MOK: variants seen among roughly 807,000 people sequenced by gnomAD.
The protein encoded by MOK is MOK protein kinase.
Under a neutral mutation model 54.2 loss-of-function variants are expected in MOK, and 59 were observed. The ratio of observed to expected loss-of-function variants is 1.09; its 90% CI spans 0.88 to 1.35. The LOEUF (loss-of-function observed/expected upper bound fraction) is 1.35, where lower values mean the gene tolerates loss of function less well. Ranked by LOEUF, MOK falls within the 40% of genes most tolerant of loss-of-function variation. MOK has a pLI of 0.00. For missense variants in MOK, 517 were observed against 526.2 expected, an observed-to-expected ratio of 0.98 and a Z score of 0.17; for synonymous variants, 210 against 202.7, an observed-to-expected ratio of 1.04 and a Z score of -0.31.
chr14:102,290,034 T>C lies in MOK; in HGVS notation c.8-6442A>G, dbSNP rs78468499. Among the ~76,000 whole-genome samples, 779 of 152,224 alleles carry C rather than the reference T, an allele frequency of 5.1e-3. 16 individuals carry two copies. Among genetic ancestry groups the C allele is most frequent in the East Asian group, 0.035 (179 of 5,184 alleles). ...TTCTCAAAACAGGTCTCCACCCTAT[T>C]TCCCAGGTGGCTTCCTTGTTCGAAA... On this transcript the variant is annotated intron_variant, in intron 1 of 11. Coordinates refer to ENST00000361847, the MANE Select transcript of MOK (RefSeq NM_014226.3).
intron 7 of MOK, 199 bp from the exon 8 acceptor site, chr14:102,233,988 C>T (rs1271521461): frequency 1.8e-6 from 1 of 540,742 alleles, no homozygotes; most frequent in Admixed American, 3.4e-5. Flanking sequence ...AATTAACCAG[C>T]AAACAACCCC....
rs184504943 is a variant in MOK, at chr14:102,281,942, T to C, written c.122+1536A>G. 1.0e-3 allele frequency among the ~76,000 whole-genome samples: 152 copies of C among 152,324 alleles called. 1 individual carries two copies. Among genetic ancestry groups the C allele is most frequent in the African/African-American group, 3.6e-3 (148 of 41,554 alleles). Reference sequence around the variant, plus strand: ...CTTCCTAGTGGTAGGTAAACTACCGTATGCATTGGGCAGTGAAGAACAAGG... The same window carrying C: ...CTTCCTAGTGGTAGGTAAACTACCGCATGCATTGGGCAGTGAAGAACAAGG... On this transcript the variant is annotated intron_variant, in intron 2 of 11. Transcript: ENST00000361847.
Position 102,238,493 on chromosome 14 carries a change from AG to A in MOK, c.591-4705del, listed in dbSNP as rs2065416393. The A allele has an allele frequency of 6.6e-6, 1 of 152,216 alleles. No homozygotes were observed. The allele number at this position is 152,216 out of a possible 1,614,324, so 9.4% of individuals were successfully genotyped here. A position where few individuals can be genotyped will look rare whatever the true frequency, so the allele number is the denominator to read the frequency against. On this transcript the variant is annotated intron_variant, in intron 7 of 11. Transcript: ENST00000361847. This position sits in a 1 kb window ranked among gnomAD's most constrained non-coding sequence, Gnocchi z 4.8. ...TTATACACTGTTGGGGACATCACAC[AG>A]GAACAGATAAAATCTCAAGAGGCAA...
chr14:102,260,364 G>C lies in MOK; in HGVS notation c.283+3182C>G, dbSNP rs559967903. ...CATCTTAAAAAAATAAAAAATAACC[G>C]TATCTGCCTGACAGGGTTGTTGGAA... On this transcript the variant is annotated intron_variant, in intron 4 of 11. Coordinates refer to ENST00000361847, the MANE Select transcript of MOK (RefSeq NM_014226.3). Among the ~76,000 whole-genome samples, 8 of 151,952 alleles carry C rather than the reference G, an allele frequency of 5.3e-5. No individual in the cohort carries two copies. The East Asian group carries it at 1.5e-3, about 29-fold the overall frequency.
At chr14:102,226,669 G>A (rs752469344), downstream of MOK, among the ~76,000 whole-genome samples, 2 of 152,206 alleles carry the variant, frequency 1.3e-5, no homozygotes, top group Non-Finnish European at 2.9e-5. The surrounding 1 kb of genome is among the most constrained non-coding windows in gnomAD (Gnocchi z 4.8). Context: ...CCTGCCAAGA[G>A]CAGGCAGGTG....
chr14:102,217,847 G>A, the MOK span, among the ~76,000 whole-genome samples: 4 of 152,192 alleles, frequency 2.6e-5, no homozygotes, highest in Non-Finnish European at 5.9e-5. Flanking sequence ...CATCGTTTCC[G>A]CACCGTCTCT....
At chr14:102,275,333 G>A (rs574651568) in intron 2 of MOK, among the ~76,000 whole-genome samples, 2 of 152,296 alleles carry the variant, frequency 1.3e-5, no homozygotes, top group Non-Finnish European at 2.9e-5. Context: ...GGGAGGCCGA[G>A]GTGGGTGGAC....
At position 102,229,523 on chromosome 14, in the gene MOK, A is replaced by C; in HGVS notation, c.1116T>G (p.Leu372=). ...GCACTCTTCCATTTGTTCCAGATCC[A>C]AGCACGGACTGCAGCGTGGGGCTGG... ...SYSSPTLQSV[L]GSGTNGRVPV... is the part of the protein sequence containing the mutation. Residue 372 remains leucine, a synonymous_variant, in exon 11 of 12, where the codon CTT becomes CTG. Coordinates refer to ENST00000361847, the MANE Select transcript of MOK (RefSeq NM_014226.3). The C allele has an allele frequency of 6.2e-7, 1 of 1,614,166 alleles. No homozygotes were observed.
At chr14:102,266,525 C>T (rs575087055) in intron 2 of MOK, among the ~76,000 whole-genome samples, 1 of 152,244 alleles carries the variant, frequency 6.6e-6, no homozygotes, top group South Asian at 2.1e-4. Flanking sequence ...ACTGTGATTA[C>T]AAGCGTGAGC....
chr14:102,283,897 T>A (rs917046601), intron 1 of MOK, among the ~76,000 whole-genome samples: 3 of 152,120 alleles, frequency 2.0e-5, no homozygotes, highest in African/African-American at 7.2e-5. Context: ...GACGTGGGAT[T>A]CTTCCAGCAG....
chr14:102,215,699 A>G, the MOK span, among the ~76,000 whole-genome samples: 2 of 152,028 alleles, frequency 1.3e-5, no homozygotes, highest in Admixed American at 6.5e-5. Flanking sequence ...CATCTTGAAT[A>G]GTGTTTGCTT....
chr14:102,256,045 C>T (rs1021469713), intron 4 of MOK, among the ~76,000 whole-genome samples: 3 of 152,174 alleles, frequency 2.0e-5, no homozygotes, highest in Non-Finnish European at 4.4e-5. Context: ...ACACGCCCCT[C>T]CAGCGAGGGT....
chr14:102,294,406 A>G (rs1005354613), intron 1 of MOK, among the ~76,000 whole-genome samples: 1 of 150,326 alleles, frequency 6.7e-6, no homozygotes, highest in Non-Finnish European at 1.5e-5. Flanking sequence ...AGATAGCGCC[A>G]CTGCACTCCA....
intron 1 of MOK, among the ~76,000 whole-genome samples, chr14:102,294,324 T>C (rs2071174770): frequency 6.6e-6 from 1 of 151,632 alleles, no homozygotes; most frequent in African/African-American, 2.4e-5. Context: ...TGGGCACGTG[T>C]AGTCCCAGCT....
chr14:102,215,271 C>T, the MOK span, among the ~76,000 whole-genome samples: 1 of 152,156 alleles, frequency 6.6e-6, no homozygotes, highest in Non-Finnish European at 1.5e-5. Context: ...TGTTGATTGG[C>T]GTTTCGGCTG....
intron 7 of MOK, among the ~76,000 whole-genome samples, chr14:102,243,297 C>G (rs1019102766): frequency 6.6e-6 from 1 of 152,170 alleles, no homozygotes; most frequent in Non-Finnish European, 1.5e-5. Flanking sequence ...TAAAAACAGC[C>G]CTGGAAGCTG....
intron 1 of MOK, 66 bp from the exon 2 acceptor site, chr14:102,283,658 C>G: frequency 1.0e-6 from 1 of 962,436 alleles, no homozygotes; most frequent in Admixed American, 2.2e-5. Flanking sequence ...CACTTCCAGA[C>G]AGCAAACTTT....
At chr14:102,276,995 G>C (rs370872514) in intron 2 of MOK, among the ~76,000 whole-genome samples, 13 of 149,462 alleles carry the variant, frequency 8.7e-5, no homozygotes, top group African/African-American at 3.0e-4. Flanking sequence ...CTACAGGAGT[G>C]AGCCACTATG....
chr14:102,216,455 C>A, the MOK span, among the ~76,000 whole-genome samples: 1 of 152,180 alleles, frequency 6.6e-6, no homozygotes, highest in African/African-American at 2.4e-5. Flanking sequence ...CCAAACTCAG[C>A]TAATTTTTGT....
Sources: allele counts gnomAD v4.1 joint callset (sites outside exome capture counted in the v4.1 genomes callset), GRCh38; gene constraint gnomAD v4.1.1; non-coding constraint Gnocchi (gnomAD v3.1); transcripts MANE v1.5; gene names NCBI Gene and HGNC (gene_info 2026-07-23, HGNC 2026-07-21).